The following GRID2IP variants were observed in gnomAD, a reference collection of about 807,000 sequenced individuals.
The protein encoded by GRID2IP is delphilin.
GRID2IP carries 78 observed loss-of-function variants against 114.3 expected under a neutral mutation model. The observed-to-expected ratio is 0.68, with a 90% CI of 0.57 to 0.82. The LOEUF (loss-of-function observed/expected upper bound fraction) is 0.82, where lower values mean the gene tolerates loss of function less well. GRID2IP is among the 40% of genes least tolerant of loss of function. The pLI, the probability that GRID2IP is intolerant of heterozygous loss-of-function variation, is 0.00. For synonymous variants in GRID2IP, 809 were observed against 724.0 expected (o/e 1.12, Z -1.89); for missense variants, 1,727 against 1,678.5 (o/e 1.03, Z -0.51).
intron 16 of GRID2IP, 45 bp downstream of exon 16, chr7:6,503,446 T>C (rs1786475010): frequency 2.7e-6 from 4 of 1,465,094 alleles, no homozygotes; most frequent in Non-Finnish European, 3.6e-6. Context: ...CGACAGCCCC[T>C]GTGGAGCCGG....
chr7:6,520,816 T>G lies in GRID2IP; in HGVS notation c.1085-55A>C, dbSNP rs1583344317. The G allele has an allele frequency of 6.7e-7, 1 of 1,489,984 alleles. No homozygotes were observed. Among genetic ancestry groups the G allele is most frequent in the East Asian group, 2.5e-5 (1 of 40,178 alleles). 92.3% of individuals were successfully genotyped at this position (1,489,984 alleles called of 1,614,324 possible). A position where few individuals can be genotyped will look rare whatever the true frequency, so the allele number is the denominator to read the frequency against. On this transcript the variant is annotated intron_variant, in intron 6 of 21. Transcript: ENST00000457091. The surrounding 1 kb of genome is among the most constrained non-coding windows in gnomAD (Gnocchi z 4.6). ...AGTGACTCAGAGTCCCCAGGCCAGG[T>G]GTAGTCTCCCTGGCTTTTGAGGTCA... is the stretch of plus-strand genomic sequence containing the variant.
At chr7:6,513,927 GA>G (rs1779236230) in intron 8 of GRID2IP, among the ~76,000 whole-genome samples, 1 of 115,802 alleles carries the variant, frequency 8.6e-6, no homozygotes. Flanking sequence ...CAGCCTGGGC[GA>G]CAGAGCAAGA....
At chr7:6,518,793 T>C (rs770597705) in intron 7 of GRID2IP, among the ~76,000 whole-genome samples, 1 of 152,160 alleles carries the variant, frequency 6.6e-6, no homozygotes, top group Non-Finnish European at 1.5e-5. Context: ...TGGGCATCAC[T>C]GTGATCTAAA....
At chr7:6,535,398 A>T (rs1779708066) in intron 2 of GRID2IP, among the ~76,000 whole-genome samples, 1 of 152,242 alleles carries the variant, frequency 6.6e-6, no homozygotes, top group South Asian at 2.1e-4. Context: ...TCATGGTGTC[A>T]CTGCTCCCTT....
At chr7:6,517,983 G>C (rs1014610202) in intron 7 of GRID2IP, among the ~76,000 whole-genome samples, 1 of 151,710 alleles carries the variant, frequency 6.6e-6, no homozygotes, top group East Asian at 1.9e-4. Context: ...TGTAATCCCA[G>C]CACTTTGGAA....
intron 20 of GRID2IP, among the ~76,000 whole-genome samples, chr7:6,500,528 G>C (rs1221790602): frequency 6.6e-6 from 1 of 152,226 alleles, no homozygotes; most frequent in African/African-American, 2.4e-5. Flanking sequence ...CCTTGCCCAA[G>C]CTGTAGAGTT....
rs1018608360 is a variant in GRID2IP, at chr7:6,532,203, T to G, written c.585-5434A>C. 6.6e-6 allele frequency among the ~76,000 whole-genome samples: 1 copy of G among 152,036 alleles called. No homozygotes were observed. Among genetic ancestry groups the G allele is most frequent in the African/African-American group, 2.4e-5 (1 of 41,408 alleles). ...CGACTGCCTCTGGAGAGGCCCAGAATCAGGCCTGAGGAACAAATGAGAGTT... is the reference window on the plus strand; with the variant it reads ...CGACTGCCTCTGGAGAGGCCCAGAAGCAGGCCTGAGGAACAAATGAGAGTT... On this transcript the variant is annotated intron_variant, in intron 2 of 21. Transcript: ENST00000457091. This position sits in a 1 kb window ranked among gnomAD's most constrained non-coding sequence, Gnocchi z 4.4.
In GRID2IP at chr7:6,551,203, A is replaced by C; in HGVS notation, c.234T>G (p.Ser78Arg). 1 of 1,466,672 alleles carries C rather than the reference A, an allele frequency of 6.8e-7. No homozygotes were observed. The allele number at this position is 1,466,672 out of a possible 1,614,324, so 90.9% of individuals were successfully genotyped here. The change falls in exon 1 of 22, where the codon AGT becomes AGG. Residue 78 changes from serine to arginine, a missense_variant. Transcript: ENST00000457091. ...LARRCPRVPP[S>R]LGVLPAPDGG... is the part of the protein sequence containing the mutation. ...CGTCGGGAGCCGGGAGCACGCCCAG[A>C]CTGGGCGGCACACGTGGGCAGCGCC...
At position 6,534,434 on chromosome 7, in the gene GRID2IP, G is replaced by C. The variant is rs1289543602; in HGVS notation, c.584+5284C>G. 6.6e-6 allele frequency among the ~76,000 whole-genome samples: 1 copy of C among 152,158 alleles called. No homozygotes were observed. The highest frequency in any genetic ancestry group is 6.6e-5 in the Admixed American group (1 of 15,258). ...CACTTCATCAGACCGGGGTCCCTTT[G>C]GGGAGAGACCCAAATTAGCCTCCCA... On this transcript the variant is annotated intron_variant, in intron 2 of 21. Coordinates refer to ENST00000457091, the MANE Select transcript of GRID2IP (RefSeq NM_001145118.2). The surrounding 1 kb of genome is among the most constrained non-coding windows in gnomAD (Gnocchi z 4.5).
chr7:6,500,882 T>C (rs1005320575), intron 20 of GRID2IP, among the ~76,000 whole-genome samples: 1 of 152,210 alleles, frequency 6.6e-6, no homozygotes, highest in Non-Finnish European at 1.5e-5. Flanking sequence ...TCAGTGGGAA[T>C]GTCCCACCCT....
chr7:6,540,032 CCTTT>C (rs767050624), intron 1 of GRID2IP, among the ~76,000 whole-genome samples, 160 bp from the exon 2 acceptor site: 5 of 144,584 alleles, frequency 3.5e-5, no homozygotes, highest in East Asian at 1.9e-4. Context: ...TTCCTTCCTT[CCTTT>C]CTCTTTCTCT....
chr7:6,503,008 C>G lies in GRID2IP; in HGVS notation c.3063G>C (p.Glu1021Asp). 1 of 1,551,546 alleles carries G rather than the reference C, an allele frequency of 6.4e-7. No individual in the cohort carries two copies. Among genetic ancestry groups the G allele is most frequent in the Non-Finnish European group, 8.7e-7 (1 of 1,146,968 alleles). ...KNSRKLAKIL[E>D]FVLAMGNYLN... ...TGCCAGGAAGGGTACGCCCACTGAC[C>G]TCCAGGATCTTGGCGAGCTTCCGAC... The change falls in exon 17 of 22, where the codon GAG (glutamate) becomes GAC (aspartate). Residue 1021 changes from glutamate (E) to aspartate (D), a missense_variant and splice_region_variant. Physicochemically the swap from Glu to Asp is conservative, Grantham distance 45. Transcript: ENST00000457091.
intron 2 of GRID2IP, among the ~76,000 whole-genome samples, chr7:6,537,952 G>A (rs904853061): frequency 6.6e-6 from 1 of 152,180 alleles, no homozygotes; most frequent in Non-Finnish European, 1.5e-5. Flanking sequence ...CTTCAGGCCA[G>A]CCTCTTAACC....
At chr7:6,510,449 C>T in intron 10 of GRID2IP, 49 bp from the exon 11 acceptor site, 9 of 1,423,850 alleles carry the variant, frequency 6.3e-6, no homozygotes, top group Non-Finnish European at 8.4e-6. Context: ...CCCCTCGTAG[C>T]CCTAATGTGG....
intron 14 of GRID2IP, among the ~76,000 whole-genome samples, chr7:6,505,089 A>G (rs1032468458): frequency 2.6e-5 from 4 of 152,156 alleles, no homozygotes; most frequent in African/African-American, 9.7e-5. Flanking sequence ...CCCGTGCTGC[A>G]GGAAGCCAGG....
At chr7:6,505,313 A>G (rs866730491) in intron 14 of GRID2IP, among the ~76,000 whole-genome samples, 33 of 151,492 alleles carry the variant, frequency 2.2e-4, no homozygotes, top group Middle Eastern at 3.5e-3. Flanking sequence ...TGGGATTTAG[A>G]AATGAGAGTC....
chr7:6,529,941 TTCTC>T lies in GRID2IP; in HGVS notation c.585-3176_585-3173del, dbSNP rs200826855. ...TAGGGTCCTCTCTCCCCACCCAGCT[TTCTC>T]TCTCTCTCTCTCTCTCTTTTTTTTT... On this transcript the variant is annotated intron_variant, in intron 2 of 21. Transcript: ENST00000457091. Among the ~76,000 whole-genome samples the T allele has an allele frequency of 2.0e-3, 282 of 142,332 alleles. 6 individuals are homozygous for T. Among genetic ancestry groups the T allele is most frequent in the Middle Eastern group, 7.3e-3 (2 of 274 alleles). 93.4% of individuals were successfully genotyped at this position (142,332 alleles called of 152,430 possible).
chr7:6,527,658 G>C lies in GRID2IP; in HGVS notation c.585-889C>G, dbSNP rs2115081549. On this transcript the variant is annotated intron_variant, in intron 2 of 21. Coordinates refer to ENST00000457091, the MANE Select transcript of GRID2IP (RefSeq NM_001145118.2). Reference sequence around the variant, plus strand: ...ACTACAGTACAGTGGCACGATCATAGCACGATCATAGCTCATTGTAACCTG... The same window carrying C: ...ACTACAGTACAGTGGCACGATCATACCACGATCATAGCTCATTGTAACCTG... 1.3e-5 allele frequency among the ~76,000 whole-genome samples: 2 copies of C among 149,414 alleles called. 1 individual carries two copies. The highest frequency in any genetic ancestry group is 4.2e-4 in the South Asian group (2 of 4,790).
chr7:6,510,174 G>A (rs1341388844), intron 11 of GRID2IP, 109 bp downstream of exon 11: 5 of 651,954 alleles, frequency 7.7e-6, no homozygotes, highest in Non-Finnish European at 1.0e-5. Flanking sequence ...AGGGCCATGG[G>A]AGGGACTGGG....
Sources: gnomAD v4.1 joint callset for allele counts (sites outside exome capture counted in the v4.1 genomes callset) on GRCh38, gnomAD v4.1.1 for gene constraint, Gnocchi (gnomAD v3.1) non-coding constraint, MANE v1.5 for transcripts, NCBI Gene and HGNC (gene_info 2026-07-23, HGNC 2026-07-21) for gene names.